TJAP1: variants seen among roughly 807,000 people sequenced by gnomAD.
The protein encoded by TJAP1 is tight junction associated protein 1.
TJAP1 carries 27 observed loss-of-function variants against 42.0 expected under a neutral mutation model. The observed-to-expected ratio is 0.64, with a 90% CI of 0.47 to 0.89. The LOEUF is 0.89. Ranked by LOEUF, TJAP1 falls within the 40% of genes least tolerant of loss-of-function variation. The probability of loss-of-function intolerance (pLI) is 0.00; values close to 1 mark genes in which losing one functional copy is unlikely to be tolerated. For missense variants in TJAP1, 712 were observed against 726.9 expected, an observed-to-expected ratio of 0.98 and a Z score of 0.24; for synonymous variants, 257 against 288.4, an observed-to-expected ratio of 0.89 and a Z score of 1.10.
At chr6:43,502,392 A>T (rs774058307) in intron 7 of TJAP1, 43 bp downstream of exon 7, 1 of 1,603,630 alleles carries the variant, frequency 6.2e-7, no homozygotes, top group African/African-American at 1.3e-5. Context: ...CTGTGCTCAT[A>T]GCATAGCAGG....
rs918150526 is a variant in TJAP1 at position 43,483,841 on chromosome 6, T to C, written c.-122+5609T>C. Among the ~76,000 whole-genome samples the C allele has an allele frequency of 6.6e-5, 10 of 152,038 alleles. No individual in the cohort carries two copies. The East Asian group carries it at 1.4e-3, about 21-fold the overall frequency. On this transcript the variant is annotated intron_variant, in intron 2 of 10. Transcript: ENST00000372449. ...TGGAAGGCTGAGGCAGGAGGATCAC[T>C]TGAGGCCAAGAGTTTGAAGCCAGAC... is the stretch of plus-strand genomic sequence containing the variant.
chr6:43,503,988 G>A (rs912425729), intron 10 of TJAP1: 1 of 649,830 alleles, frequency 1.5e-6, no homozygotes, highest in South Asian at 1.5e-5. Flanking sequence ...AGAGCTATCT[G>A]CCCAAAGAGT....
intron 2 of TJAP1, among the ~76,000 whole-genome samples, chr6:43,483,126 A>T (rs896491248): frequency 4.4e-5 from 6 of 136,890 alleles, no homozygotes; most frequent in African/African-American, 1.5e-4. Flanking sequence ...CATCTCAATA[A>T]AAAAAAAAAA....
At chr6:43,482,851 T>A (rs1226507575) in intron 2 of TJAP1, among the ~76,000 whole-genome samples, 7 of 152,142 alleles carry the variant, frequency 4.6e-5, no homozygotes, top group Admixed American at 3.3e-4. Context: ...TGGCTGGGCG[T>A]GGTGGCTCAC....
At chr6:43,503,959 C>T (rs985936904) in intron 10 of TJAP1, 2 of 684,674 alleles carry the variant, frequency 2.9e-6, no homozygotes, top group African/African-American at 3.5e-5. Flanking sequence ...AGATCCTGGG[C>T]AGGAAGGAGA....
At chr6:43,503,575 T>C (rs908572641) in intron 9 of TJAP1, 48 bp from the exon 10 acceptor site, 3 of 1,611,116 alleles carry the variant, frequency 1.9e-6, no homozygotes, top group Non-Finnish European at 2.5e-6. Context: ...CGGCCCTGCT[T>C]CCTTGGAGAG....
At position 43,483,999 on chromosome 6, in the gene TJAP1, TGA is replaced by T. The variant is rs1461692833; in HGVS notation, c.-122+5769_-122+5770del. Among the ~76,000 whole-genome samples, 8 of 151,242 alleles carry T rather than the reference TGA, an allele frequency of 5.3e-5. No individual in the cohort carries two copies. In the East Asian group the frequency reaches 1.6e-3, roughly 29 times the overall value. On this transcript the variant is annotated intron_variant, in intron 2 of 10. Transcript: ENST00000372449. ...GGAGGATAACTTGAACCCAGGAGTTTGAGGCTGCAGTGAGCTATGATTGCACC... is the reference window on the plus strand; with the variant it reads ...GGAGGATAACTTGAACCCAGGAGTTTGGCTGCAGTGAGCTATGATTGCACC...
intron 2 of TJAP1, among the ~76,000 whole-genome samples, chr6:43,481,347 G>GGT (rs906112634): frequency 4.6e-5 from 7 of 151,848 alleles, no homozygotes; most frequent in African/African-American, 7.3e-5. Flanking sequence ...ACCTTAAAGG[G>GGT]GTGTGTGTGT....
Position 43,501,511 on chromosome 6 carries a change from A to G in TJAP1, c.129-15A>G, listed in dbSNP as rs768631051. The G allele has an allele frequency of 2.5e-6, 4 of 1,610,420 alleles. No individual in the cohort carries two copies. In the South Asian group the frequency reaches 4.4e-5, roughly 18 times the overall value. ...CTCATACCCCTCTGCCCTTGATCCC[A>G]CAACACCCTGCCAGGCTCTTACAGG... On this transcript the variant is annotated splice_polypyrimidine_tract_variant and intron_variant, in intron 5 of 10. Coordinates refer to ENST00000372449, the Ensembl canonical transcript of TJAP1.
intron 10 of TJAP1, chr6:43,504,114 TC>T (rs371425332): frequency 1.3e-5 from 4 of 319,914 alleles, no homozygotes; most frequent in South Asian, 2.8e-5. Flanking sequence ...TAGAGGTATT[TC>T]TTTTTTTTTT....
rs2127547530 is a variant in TJAP1 at position 43,492,095 on chromosome 6, C to T, written c.-121-5786C>T. ...GGGGTTGGTTTGCCTGGCTCTTTAGCCCCTTGTTCCTGTGAAGTGTTTGTC... is the reference window on the plus strand; with the variant it reads ...GGGGTTGGTTTGCCTGGCTCTTTAGTCCCTTGTTCCTGTGAAGTGTTTGTC... On this transcript the variant is annotated intron_variant, in intron 2 of 10. Transcript: ENST00000372449. This position sits in a 1 kb window ranked among gnomAD's most constrained non-coding sequence, Gnocchi z 4.2. 1.3e-5 allele frequency among the ~76,000 whole-genome samples: 2 copies of T among 152,272 alleles called. No homozygotes were observed. The highest frequency in any genetic ancestry group is 4.1e-4 in the South Asian group (2 of 4,826).
chr6:43,483,601 A>G (rs1038174030), intron 2 of TJAP1, among the ~76,000 whole-genome samples: 5 of 152,190 alleles, frequency 3.3e-5, no homozygotes, highest in African/African-American at 1.2e-4. Flanking sequence ...ACTTTGCAGA[A>G]CATGTGGTGG....
intron 4 of TJAP1, 92 bp from the exon 5 acceptor site, chr6:43,500,652 A>C: frequency 1.4e-6 from 2 of 1,454,524 alleles, no homozygotes; most frequent in East Asian, 2.3e-5. Flanking sequence ...TTTGGGCTTC[A>C]CACCTGAGCC....
At chr6:43,481,685 A>G (rs1392761640) in intron 2 of TJAP1, among the ~76,000 whole-genome samples, 1 of 151,958 alleles carries the variant, frequency 6.6e-6, no homozygotes, top group Non-Finnish European at 1.5e-5. Flanking sequence ...TTGTTTGAAG[A>G]AGGCCCTGGC....
chr6:43,490,069 A>G (rs1038275430), intron 2 of TJAP1, among the ~76,000 whole-genome samples: 7 of 152,172 alleles, frequency 4.6e-5, no homozygotes, highest in Non-Finnish European at 7.4e-5. Flanking sequence ...CTGGGGTGCC[A>G]CCAGCAGGGC....
At chr6:43,497,550 G>C (rs1292819279) in intron 2 of TJAP1, 1 of 152,250 alleles carries the variant, frequency 6.6e-6, no homozygotes, top group Non-Finnish European at 1.5e-5. Flanking sequence ...TCCAAACTCT[G>C]AGAGGCTTGG....
At position 43,505,950 on chromosome 6, in the gene TJAP1, C is replaced by T; in HGVS notation, c.*95C>T. On this transcript the variant is annotated 3_prime_UTR_variant, in exon 11 of 11. Coordinates refer to ENST00000372449, the Ensembl canonical transcript of TJAP1. The surrounding 1 kb of genome is among the most constrained non-coding windows in gnomAD (Gnocchi z 5.5). ...GGTCCCCAGTCCAAGCCCTTGACCT[C>T]TCCTCTATCCAGACCCGCACAGCTG... 2 of 1,322,150 alleles carry T rather than the reference C, an allele frequency of 1.5e-6. No individual in the cohort carries two copies. Among genetic ancestry groups the T allele is most frequent in the South Asian group, 3.8e-5 (2 of 53,330 alleles). 81.9% of individuals were successfully genotyped at this position (1,322,150 alleles called of 1,614,324 possible). A position where few individuals can be genotyped will look rare whatever the true frequency, so the allele number is the denominator to read the frequency against.
chr6:43,503,773 C>T, intron 10 of TJAP1, 67 bp downstream of exon 10: 1 of 1,371,168 alleles, frequency 7.3e-7, no homozygotes, highest in Non-Finnish European at 1.0e-6. Flanking sequence ...TCCTCTAACT[C>T]CAGTTTCTGC....
intron 2 of TJAP1, among the ~76,000 whole-genome samples, chr6:43,490,516 C>T (rs1336618072): frequency 6.6e-6 from 1 of 152,200 alleles, no homozygotes; most frequent in African/African-American, 2.4e-5. Context: ...GTCCCTGTTA[C>T]TCTCACCCTA....
Sources: allele counts gnomAD v4.1 joint callset (sites outside exome capture counted in the v4.1 genomes callset), GRCh38; gene constraint gnomAD v4.1.1; non-coding constraint Gnocchi (gnomAD v3.1); transcripts MANE v1.5; gene names NCBI Gene and HGNC (gene_info 2026-07-23, HGNC 2026-07-21).